Variants in ZEB1 observed in about 807,000 individuals in gnomAD.
The protein encoded by ZEB1 is zinc finger E-box binding homeobox 1.
Under a neutral mutation model 84.9 loss-of-function variants are expected in ZEB1, and 21 were observed. That is an observed-to-expected ratio of 0.25 (90% CI 0.18 to 0.36). ZEB1 has a LOEUF of 0.36. Among genes scored for constraint, ZEB1 ranks in the 10% least tolerant of loss-of-function variants. ZEB1 has a pLI of 1.00. For synonymous variants in ZEB1, 420 were observed against 471.1 expected, an observed-to-expected ratio of 0.89 and a Z score of 1.41; for missense variants, 1,104 against 1,330.2, an observed-to-expected ratio of 0.83 and a Z score of 2.65.
intron 6 of ZEB1, among the ~76,000 whole-genome samples, chr10:31,518,639 A>G (rs2071651335): frequency 6.6e-6 from 1 of 152,140 alleles, no homozygotes; most frequent in African/African-American, 2.4e-5. Context: ...TAAGGCTTGG[A>G]CAGGTTAAGA....
chr10:31,524,070 C>T lies in ZEB1; in HGVS notation c.2742C>T (p.Phe914=), dbSNP rs761206667. The change falls in exon 8 of 9, where the codon TTC becomes TTT. Residue 914 remains phenylalanine, a synonymous_variant. Transcript: ENST00000424869. ...CTTGTGATTTGTGTGACAAGATATTCCAAAAGAGTAGTTCATTATTGAGAC... is the reference window on the plus strand; with the variant it reads ...CTTGTGATTTGTGTGACAAGATATTTCAAAAGAGTAGTTCATTATTGAGAC... ...MYACDLCDKI[F]QKSSSLLRHK... 1.5e-5 allele frequency: 24 copies of T among 1,613,552 alleles called. No individual in the cohort carries two copies. In the Admixed American group the frequency reaches 4.0e-4, roughly 27 times the overall value.
intron 1 of ZEB1, among the ~76,000 whole-genome samples, chr10:31,398,491 C>T (rs1328370987): frequency 6.6e-6 from 1 of 152,100 alleles, no homozygotes; most frequent in Non-Finnish European, 1.5e-5. Context: ...TGGATCTTTT[C>T]CACCAACATA....
chr10:31,501,583 G>A (rs2068128991), intron 3 of ZEB1, among the ~76,000 whole-genome samples: 1 of 151,996 alleles, frequency 6.6e-6, no homozygotes, highest in Non-Finnish European at 1.5e-5. Flanking sequence ...GAACGTCAGA[G>A]TGGTTTATAT....
At chr10:31,424,674 T>G (rs1210424070) in intron 1 of ZEB1, among the ~76,000 whole-genome samples, 1 of 152,006 alleles carries the variant, frequency 6.6e-6, no homozygotes, top group African/African-American at 2.4e-5. Flanking sequence ...TTATTGGAAC[T>G]TGACAGCTCA....
intron 2 of ZEB1, among the ~76,000 whole-genome samples, chr10:31,476,170 G>A (rs1591681467): frequency 6.6e-6 from 1 of 151,918 alleles, no homozygotes; most frequent in East Asian, 1.9e-4. Flanking sequence ...ACATAATGAA[G>A]AGTTTGTTCT....
intron 4 of ZEB1, among the ~76,000 whole-genome samples, chr10:31,508,409 G>A (rs531084859): frequency 5.9e-5 from 9 of 152,226 alleles, no homozygotes; most frequent in East Asian, 5.8e-4. Flanking sequence ...AGTGATTCAC[G>A]CTGGTGTTGG....
intron 1 of ZEB1, among the ~76,000 whole-genome samples, chr10:31,338,166 T>C (rs988823049): frequency 2.6e-5 from 4 of 152,260 alleles, no homozygotes; most frequent in Non-Finnish European, 5.9e-5. Context: ...TATTACCTTA[T>C]TATATTTTTT....
chr10:31,523,839 A>G, intron 7 of ZEB1, 94 bp from the exon 8 acceptor site: 2 of 1,367,600 alleles, frequency 1.5e-6, no homozygotes, highest in South Asian at 1.2e-5. Context: ...ATAAAAGTAT[A>G]AGTTAAAGTA....
At chr10:31,490,660 A>G (rs1288075514) in intron 2 of ZEB1, among the ~76,000 whole-genome samples, 1 of 151,710 alleles carries the variant, frequency 6.6e-6, no homozygotes, top group Non-Finnish European at 1.5e-5. Context: ...TAATTCTAAC[A>G]TCTTTTTTTC....
chr10:31,476,202 G>T (rs866605964), intron 2 of ZEB1, among the ~76,000 whole-genome samples: 2 of 151,812 alleles, frequency 1.3e-5, no homozygotes, highest in Non-Finnish European at 2.9e-5. Context: ...AACAAAATTG[G>T]TAGACCACTA....
At chr10:31,506,702 T>A (rs1395137655) in intron 4 of ZEB1, among the ~76,000 whole-genome samples, 1 of 152,110 alleles carries the variant, frequency 6.6e-6, no homozygotes, top group Non-Finnish European at 1.5e-5. Context: ...GGGTCACAGT[T>A]TTTATCCATT....
chr10:31,431,469 C>A (rs993235407), intron 1 of ZEB1, among the ~76,000 whole-genome samples: 1 of 152,056 alleles, frequency 6.6e-6, no homozygotes, highest in Non-Finnish European at 1.5e-5. Context: ...TTTTACATCC[C>A]AGAGTATGTT....
chr10:31,363,418 A>AT (rs917578183), intron 1 of ZEB1: 1 of 1,534,292 alleles, frequency 6.5e-7, no homozygotes, highest in African/African-American at 1.4e-5. Flanking sequence ...CTTGAGGTGG[A>AT]CATTTCCCTC....
chr10:31,332,009 CAG>C (rs1391524565), intron 1 of ZEB1, among the ~76,000 whole-genome samples: 1 of 152,112 alleles, frequency 6.6e-6, no homozygotes, highest in African/African-American at 2.4e-5. Flanking sequence ...TTTATATACT[CAG>C]TGTTAATATG....
intron 1 of ZEB1, among the ~76,000 whole-genome samples, chr10:31,380,569 T>A (rs983361850): frequency 1.3e-5 from 2 of 152,138 alleles, no homozygotes; most frequent in African/African-American, 4.8e-5. Context: ...CCAAATCAAT[T>A]CTGTCATTAG....
intron 1 of ZEB1, among the ~76,000 whole-genome samples, chr10:31,448,165 A>G (rs1406450601): frequency 3.0e-4 from 42 of 140,178 alleles, no homozygotes; most frequent in East Asian, 1.0e-3. Flanking sequence ...CATTCATTTC[A>G]TCTTCCATCG....
chr10:31,389,774 A>G (rs1244808503), intron 1 of ZEB1: 2 of 152,160 alleles, frequency 1.3e-5, no homozygotes, highest in Non-Finnish European at 2.9e-5. Flanking sequence ...ATTTTATTTA[A>G]CCCAATATAT....
chr10:31,405,854 A>C (rs1018699505), intron 1 of ZEB1, among the ~76,000 whole-genome samples: 13 of 151,778 alleles, frequency 8.6e-5, no homozygotes, highest in African/African-American at 3.1e-4. Context: ...AGCCTCCCAC[A>C]CCTCAACAGG....
chr10:31,435,965 T>C (rs988535149), intron 1 of ZEB1, among the ~76,000 whole-genome samples: 1 of 152,110 alleles, frequency 6.6e-6, no homozygotes, highest in Non-Finnish European at 1.5e-5. Context: ...AGACGGGATA[T>C]GAGTTCCAAA....
Sources: gnomAD v4.1 joint callset for allele counts (sites outside exome capture counted in the v4.1 genomes callset) on GRCh38, gnomAD v4.1.1 for gene constraint, MANE v1.5 for transcripts, NCBI Gene and HGNC (gene_info 2026-07-23, HGNC 2026-07-21) for gene names.